SGCD: variants seen among roughly 807,000 people sequenced by gnomAD.
SGCD encodes the protein delta-sarcoglycan.
SGCD carries 18 observed loss-of-function variants against 36.6 expected under a neutral mutation model. That is an observed-to-expected ratio of 0.49 (90% CI 0.34 to 0.73). The LOEUF is 0.73. Among genes scored for constraint, SGCD ranks in the 30% least tolerant of loss-of-function variants. The probability of loss-of-function intolerance (pLI) is 0.01; values close to 1 mark genes in which losing one functional copy is unlikely to be tolerated. For missense variants in SGCD, 387 were observed against 346.7 expected (o/e 1.12, Z -0.92); for synonymous variants, 133 against 130.6 (o/e 1.02, Z -0.12).
At chr5:156,286,881 G>C (rs1393631632) in intron 3 of SGCD, among the ~76,000 whole-genome samples, 2 of 151,918 alleles carry the variant, frequency 1.3e-5, no homozygotes, top group African/African-American at 4.8e-5. Context: ...GTCTGTCATA[G>C]AGTGGATGGT....
intron 3 of SGCD, among the ~76,000 whole-genome samples, chr5:156,370,691 A>G (rs970033106): frequency 3.9e-5 from 6 of 152,222 alleles, no homozygotes; most frequent in East Asian, 3.9e-4. Context: ...AGACTGAAAC[A>G]TACACATTCC....
At chr5:156,403,835 T>A (rs1025658935) in intron 3 of SGCD, among the ~76,000 whole-genome samples, 2 of 92,958 alleles carry the variant, frequency 2.2e-5, no homozygotes, top group Non-Finnish European at 4.5e-5. Context: ...CCTGACATAT[T>A]TTTTTTTCTT....
chr5:156,522,711 C>T (rs1048960536), intron 4 of SGCD, among the ~76,000 whole-genome samples: 7 of 150,686 alleles, frequency 4.6e-5, no homozygotes, highest in African/African-American at 1.5e-4. Context: ...CAAACCTGTA[C>T]ATTCTGTACA....
At chr5:156,511,297 C>T (rs1373487920) in intron 4 of SGCD, among the ~76,000 whole-genome samples, 1 of 152,166 alleles carries the variant, frequency 6.6e-6, no homozygotes, top group Non-Finnish European at 1.5e-5. Context: ...CTACCTGAAA[C>T]CTGTGCCCAA....
chr5:155,793,399 A>G, the SGCD span, among the ~76,000 whole-genome samples: 6 of 152,154 alleles, frequency 3.9e-5, no homozygotes, highest in Admixed American at 6.5e-5. Context: ...CCAAAATAAT[A>G]ATTACAAACA....
intron 3 of SGCD, among the ~76,000 whole-genome samples, chr5:156,459,035 A>G (rs1238866132): frequency 6.6e-6 from 1 of 152,278 alleles, no homozygotes; most frequent in East Asian, 1.9e-4. Context: ...ATTCAACAGA[A>G]ACCATCTAAG....
chr5:156,751,731 T>C (rs188717121), intron 7 of SGCD, among the ~76,000 whole-genome samples: 61 of 152,364 alleles, frequency 4.0e-4, no homozygotes, highest in Non-Finnish European at 6.8e-4. Context: ...AAATGCAGTT[T>C]TAAAAGACAA....
In SGCD at chr5:156,579,992, C is replaced by A. The variant is rs189579731; in HGVS notation, c.295-9239C>A. Among the ~76,000 whole-genome samples the A allele has an allele frequency of 2.5e-3, 387 of 152,282 alleles. 1 individual carries two copies. The highest frequency in any genetic ancestry group is 8.8e-3 in the African/African-American group (367 of 41,544). On this transcript the variant is annotated intron_variant, in intron 4 of 8. Coordinates refer to ENST00000337851, the MANE Select transcript of SGCD (RefSeq NM_000337.6). Reference sequence around the variant, plus strand: ...TGGATATTTTGCCCTTTAGTTGATGCAGTTTCTTCCTAGCATTGATGGTCT... The same window carrying A: ...TGGATATTTTGCCCTTTAGTTGATGAAGTTTCTTCCTAGCATTGATGGTCT...
At chr5:155,895,097 C>G (rs1277414646) in intron 1 of SGCD, among the ~76,000 whole-genome samples, 1 of 152,166 alleles carries the variant, frequency 6.6e-6, no homozygotes, top group African/African-American at 2.4e-5. Flanking sequence ...ATCACTGCCA[C>G]TGGAGGGATA....
intron 1 of SGCD, among the ~76,000 whole-genome samples, chr5:155,986,266 T>G (rs1758327890): frequency 6.6e-6 from 1 of 152,214 alleles, no homozygotes; most frequent in South Asian, 2.1e-4. Flanking sequence ...GTATCAGAAA[T>G]CTTTTGAAGG....
the SGCD span, among the ~76,000 whole-genome samples, chr5:155,819,244 A>C: frequency 1.3e-5 from 2 of 152,306 alleles, no homozygotes; most frequent in African/African-American, 4.8e-5. Flanking sequence ...CTTCTCTATA[A>C]ACTTGAAATT....
chr5:156,295,069 T>A (rs1239142958), intron 3 of SGCD, among the ~76,000 whole-genome samples: 1 of 152,182 alleles, frequency 6.6e-6, no homozygotes, highest in East Asian at 1.9e-4. Context: ...TCTTTAAATG[T>A]TTGATAGCAT....
At chr5:156,054,155 C>T (rs75813120) in intron 1 of SGCD, among the ~76,000 whole-genome samples, 2,932 of 145,612 alleles carry the variant, frequency 0.02, 443 homozygotes, top group Non-Finnish European at 0.033. Flanking sequence ...TATTTAGTTC[C>T]GGAGGTTTTG....
At chr5:155,914,387 C>G (rs1460618516) in intron 1 of SGCD, among the ~76,000 whole-genome samples, 1 of 152,102 alleles carries the variant, frequency 6.6e-6, no homozygotes, top group Non-Finnish European at 1.5e-5. Context: ...ATGTGCCAGG[C>G]TCTAGGTCAA....
chr5:156,202,558 G>A (rs1237348358), intron 3 of SGCD, among the ~76,000 whole-genome samples: 1 of 152,092 alleles, frequency 6.6e-6, no homozygotes, highest in Non-Finnish European at 1.5e-5. Flanking sequence ...CATACTGGAA[G>A]AGACAGTCAA....
the SGCD span, among the ~76,000 whole-genome samples, chr5:155,843,409 C>T: frequency 6.6e-6 from 1 of 152,074 alleles, no homozygotes; most frequent in Non-Finnish European, 1.5e-5. Context: ...TATGCTCACA[C>T]ACACACACAC....
chr5:156,645,692 A>G (rs952809486), intron 6 of SGCD, among the ~76,000 whole-genome samples: 1 of 151,916 alleles, frequency 6.6e-6, no homozygotes, highest in South Asian at 2.1e-4. Context: ...TCCCACTTCC[A>G]CCTAGTTGTG....
At chr5:155,809,133 C>A in the SGCD span, among the ~76,000 whole-genome samples, 1 of 152,176 alleles carries the variant, frequency 6.6e-6, no homozygotes, top group Admixed American at 6.5e-5. Flanking sequence ...CTGAACTGTT[C>A]CTGAAAGCCA....
At position 156,523,120 on chromosome 5, in the gene SGCD, G is replaced by C. The variant is rs79946104; in HGVS notation, c.294+14418G>C. Among the ~76,000 whole-genome samples the C allele has an allele frequency of 0.015, 2,226 of 152,180 alleles. 98 individuals are homozygous for C. The East Asian group carries it at 0.17, about 12-fold the overall frequency. ...AATTAGACCAATTACTTCATTTACTGATTGGGGCACTAAGGCTCAGAAAGA... is the reference window on the plus strand; with the variant it reads ...AATTAGACCAATTACTTCATTTACTCATTGGGGCACTAAGGCTCAGAAAGA... On this transcript the variant is annotated intron_variant, in intron 4 of 8. Coordinates refer to ENST00000337851, the MANE Select transcript of SGCD (RefSeq NM_000337.6).
Sources: gnomAD v4.1 joint callset for allele counts (sites outside exome capture counted in the v4.1 genomes callset) on GRCh38, gnomAD v4.1.1 for gene constraint, MANE v1.5 for transcripts, NCBI Gene and HGNC (gene_info 2026-07-23, HGNC 2026-07-21) for gene names.